Variants in SCFD2 observed in about 807,000 individuals in gnomAD.
The protein encoded by SCFD2 is sec1 family domain containing 2.
In SCFD2, 54 loss-of-function variants were observed where a neutral mutation model predicts 58.9. The observed-to-expected ratio is 0.92, with a 90% confidence interval of 0.74 to 1.15. The LOEUF is 1.15. SCFD2 is among the 50% of genes most tolerant of loss of function. The pLI, the probability that SCFD2 is intolerant of heterozygous loss-of-function variation, is 0.00. For synonymous variants in SCFD2, 321 were observed against 335.9 expected, an observed-to-expected ratio of 0.96 and a Z score of 0.49; for missense variants, 805 against 836.6, an observed-to-expected ratio of 0.96 and a Z score of 0.47.
intron 4 of SCFD2, among the ~76,000 whole-genome samples, chr4:53,228,837 G>C (rs1166170347): frequency 2.0e-5 from 3 of 152,184 alleles, no homozygotes; most frequent in Admixed American, 1.3e-4. Context: ...AATTGTCCCT[G>C]TTTGCAGATG....
At chr4:52,947,621 C>G (rs372062740) in intron 5 of SCFD2, among the ~76,000 whole-genome samples, 14 of 152,082 alleles carry the variant, frequency 9.2e-5, no homozygotes, top group African/African-American at 3.4e-4. Flanking sequence ...ACAAACAGTT[C>G]CATGCACATA....
intron 3 of SCFD2, among the ~76,000 whole-genome samples, chr4:53,300,162 T>C (rs887705410): frequency 3.9e-5 from 6 of 152,032 alleles, no homozygotes; most frequent in African/African-American, 1.2e-4. Context: ...GCAAATTGGA[T>C]AAAGAGTCAA....
intron 4 of SCFD2, among the ~76,000 whole-genome samples, chr4:53,234,702 G>A (rs1243897825): frequency 6.6e-6 from 1 of 152,166 alleles, no homozygotes; most frequent in Non-Finnish European, 1.5e-5. Context: ...CGACGTTTAA[G>A]AGCACAAGCA....
intron 7 of SCFD2, among the ~76,000 whole-genome samples, 193 bp downstream of exon 7, chr4:52,907,264 G>A (rs1239211296): frequency 1.3e-5 from 2 of 152,254 alleles, no homozygotes; most frequent in Non-Finnish European, 2.9e-5. Context: ...GCTCAGGTCA[G>A]AAGAAGCTGT....
chr4:53,057,724 T>C (rs1277794069), intron 5 of SCFD2, among the ~76,000 whole-genome samples: 3 of 152,014 alleles, frequency 2.0e-5, no homozygotes, highest in Admixed American at 6.6e-5. Context: ...GGTGCTTGCT[T>C]ATAAAAGAAA....
intron 4 of SCFD2, among the ~76,000 whole-genome samples, chr4:53,255,277 T>A (rs540775367): frequency 6.6e-6 from 1 of 151,330 alleles, no homozygotes; most frequent in African/African-American, 2.4e-5. Context: ...GTTGGCAGGG[T>A]CATAGGACAA....
chr4:53,314,598 A>T (rs1257720191), intron 2 of SCFD2, among the ~76,000 whole-genome samples: 1 of 152,182 alleles, frequency 6.6e-6, no homozygotes, highest in African/African-American at 2.4e-5. Flanking sequence ...TTTTTCCTCC[A>T]ATTAAAGCCC....
intron 4 of SCFD2, among the ~76,000 whole-genome samples, chr4:53,163,437 G>A (rs1219672428): frequency 6.6e-6 from 1 of 152,140 alleles, no homozygotes. Context: ...AAAAAGAGGA[G>A]AAGAGGCCAG....
intron 5 of SCFD2, among the ~76,000 whole-genome samples, chr4:53,015,408 A>G (rs891751336): frequency 1.1e-4 from 17 of 152,282 alleles, no homozygotes; most frequent in African/African-American, 3.4e-4. Context: ...ATTTTTAGTA[A>G]GGAGTACAGG....
intron 5 of SCFD2, among the ~76,000 whole-genome samples, chr4:53,073,488 C>T (rs1282315417): frequency 6.6e-6 from 1 of 152,142 alleles, no homozygotes; most frequent in African/African-American, 2.4e-5. Context: ...GCAGTAAATA[C>T]CACCTGAATG....
At chr4:52,884,308 G>A (rs1040775542) in intron 8 of SCFD2, among the ~76,000 whole-genome samples, 16 of 152,186 alleles carry the variant, frequency 1.1e-4, no homozygotes, top group Admixed American at 6.5e-5. Flanking sequence ...AGCTGGCTGT[G>A]TGGATATGTA....
intron 5 of SCFD2, among the ~76,000 whole-genome samples, chr4:53,119,174 T>A (rs1195323768): frequency 3.3e-5 from 5 of 152,008 alleles, no homozygotes; most frequent in Admixed American, 6.6e-5. Flanking sequence ...AAAAATTAGC[T>A]AGGCATGATG....
chr4:52,973,759 A>G (rs1721174655), intron 5 of SCFD2, among the ~76,000 whole-genome samples: 1 of 152,250 alleles, frequency 6.6e-6, no homozygotes, highest in Non-Finnish European at 1.5e-5. Flanking sequence ...CATCGATGCA[A>G]AAATCCCCAA....
At chr4:53,249,379 G>A (rs1166666944) in intron 4 of SCFD2, among the ~76,000 whole-genome samples, 2 of 152,164 alleles carry the variant, frequency 1.3e-5, no homozygotes, top group South Asian at 2.1e-4. Context: ...TGCAAAATAC[G>A]CTGCAGGATA....
intron 7 of SCFD2, among the ~76,000 whole-genome samples, chr4:52,891,966 C>A (rs570432890): frequency 8.8e-4 from 134 of 152,374 alleles, no homozygotes; most frequent in African/African-American, 3.1e-3. Flanking sequence ...CTGATCTTCT[C>A]CCAAACATCC....
chr4:53,253,131 T>C (rs963720919), intron 4 of SCFD2, among the ~76,000 whole-genome samples: 1 of 152,052 alleles, frequency 6.6e-6, no homozygotes, highest in African/African-American at 2.4e-5. Context: ...AAAAGACACA[T>C]GAAAAAATGC....
At chr4:53,300,943 C>T (rs186739362) in intron 3 of SCFD2, among the ~76,000 whole-genome samples, 87 of 152,110 alleles carry the variant, frequency 5.7e-4, no homozygotes, top group Admixed American at 2.6e-3. Flanking sequence ...GGGACACATT[C>T]GAAGCAGTGT....
chr4:53,260,129 A>T (rs947419312), intron 4 of SCFD2, among the ~76,000 whole-genome samples: 1 of 152,088 alleles, frequency 6.6e-6, no homozygotes, highest in African/African-American at 2.4e-5. Context: ...AGCTTTTTGG[A>T]TGAATCTTTA....
intron 7 of SCFD2, among the ~76,000 whole-genome samples, chr4:52,906,221 G>A (rs1229332109): frequency 6.6e-6 from 1 of 152,190 alleles, no homozygotes; most frequent in Non-Finnish European, 1.5e-5. Flanking sequence ...ACAGCAGCCT[G>A]TCTGGGAGAG....
Sources: gnomAD v4.1 joint callset for allele counts (sites outside exome capture counted in the v4.1 genomes callset) on GRCh38, gnomAD v4.1.1 for gene constraint, MANE v1.5 for transcripts, NCBI Gene and HGNC (gene_info 2026-07-23, HGNC 2026-07-21) for gene names.